The following USP50 variants were observed in gnomAD, a reference collection of about 807,000 sequenced individuals.
USP50 encodes ubiquitin specific peptidase 50, also known as ubiquitin carboxyl-terminal hydrolase 50.
A neutral mutation model predicts 39.2 loss-of-function variants in USP50; 37 were observed. That is an observed-to-expected ratio of 0.94 (90% CI 0.73 to 1.24). USP50 has a LOEUF of 1.24. Among genes scored for constraint, USP50 ranks in the 50% most tolerant of loss-of-function variants. The pLI is 0.00. For missense variants in USP50, 374 were observed against 398.2 expected, an observed-to-expected ratio of 0.94 and a Z score of 0.52; for synonymous variants, 139 against 144.5, an observed-to-expected ratio of 0.96 and a Z score of 0.27.
chr15:50,500,357 A>G (rs1168042672), downstream of USP50: 1 of 158,182 alleles, frequency 6.3e-6, no homozygotes, highest in Admixed American at 6.1e-5. Context: ...TATGATTATG[A>G]GATATTTTCT....
chr15:50,502,675 A>AT (rs2052608038), intron 6 of USP50: 1 of 151,584 alleles, frequency 6.6e-6, no homozygotes, highest in Non-Finnish European at 1.5e-5. Context: ...CAGCCTATTT[A>AT]TTTTTAGAAG....
At chr15:50,499,842 G>C (rs1303969301), downstream of USP50, 1 of 152,006 alleles carries the variant, frequency 6.6e-6, no homozygotes, top group Non-Finnish European at 1.5e-5. Context: ...TAAAACCATA[G>C]ATTTTATATA....
intron 6 of USP50, among the ~76,000 whole-genome samples, chr15:50,518,381 CGGCT>C (rs1566905656): frequency 6.6e-6 from 1 of 151,680 alleles, no homozygotes; most frequent in African/African-American, 2.4e-5. Flanking sequence ...CCACCACGCC[CGGCT>C]AATTTTTTTT....
At chr15:50,526,623 C>A (rs972925496) in intron 6 of USP50, among the ~76,000 whole-genome samples, 3 of 152,204 alleles carry the variant, frequency 2.0e-5, no homozygotes, top group Non-Finnish European at 4.4e-5. Flanking sequence ...ATATTGCTAT[C>A]ACTGCTTCAG....
rs556943880 is a variant in USP50 at position 50,544,082 on chromosome 15, C to G, written c.249-289G>C. The G allele has an allele frequency of 3.4e-4, 131 of 383,932 alleles. 1 individual carries two copies. The highest frequency in any genetic ancestry group is 3.1e-3 in the Admixed American group (82 of 26,600). 23.8% of individuals were successfully genotyped at this position (383,932 alleles called of 1,614,324 possible). A position where few individuals can be genotyped will look rare whatever the true frequency, so the allele number is the denominator to read the frequency against. On this transcript the variant is annotated intron_variant, in intron 2 of 6. Coordinates refer to ENST00000532404, the MANE Select transcript of USP50 (RefSeq NM_203494.5). ...GTGGCTCACACCTGTAATGCCAGCA[C>G]TTTGGGGGGCCGAGGTGGTAGGTTG...
At chr15:50,493,557 C>G (rs557001507), downstream of USP50, 2 of 501,630 alleles carry the variant, frequency 4.0e-6, no homozygotes, top group East Asian at 1.1e-4. Context: ...AGTTTGAGAC[C>G]AGTCTGGGCA....
chr15:50,499,363 C>T (rs368601082), downstream of USP50: 7 of 267,106 alleles, frequency 2.6e-5, no homozygotes, highest in East Asian at 3.3e-4. Flanking sequence ...CATTATTATT[C>T]GACTGGTCTA....
chr15:50,500,716 T>A lies in USP50; in HGVS notation c.*53A>T. ...GCTATAGAACAGGAGATCCATAGCA[T>A]TTTGAACAGAAGTATCTGGAATCTC... On this transcript the variant is annotated 3_prime_UTR_variant, in exon 7 of 7. Coordinates refer to ENST00000532404, the MANE Select transcript of USP50 (RefSeq NM_203494.5). The A allele has an allele frequency of 1.3e-6, 2 of 1,518,460 alleles. No homozygotes were observed. Among genetic ancestry groups the A allele is most frequent in the South Asian group, 2.4e-5 (2 of 83,556 alleles). The allele number at this position is 1,518,460 out of a possible 1,614,324, so 94.1% of individuals were successfully genotyped here. A position where few individuals can be genotyped will look rare whatever the true frequency, so the allele number is the denominator to read the frequency against.
chr15:50,518,552 G>A (rs962794910), intron 6 of USP50, among the ~76,000 whole-genome samples: 2 of 151,824 alleles, frequency 1.3e-5, no homozygotes, highest in African/African-American at 4.8e-5. Flanking sequence ...ACATACCATG[G>A]GGAAAGGACA....
At chr15:50,545,471 CAA>C (rs1566913458) in intron 1 of USP50, among the ~76,000 whole-genome samples, 1 of 151,458 alleles carries the variant, frequency 6.6e-6, no homozygotes, top group Non-Finnish European at 1.5e-5. Context: ...CCCTCTCTCC[CAA>C]CATACCTATC....
rs1049920270 is a variant in USP50, at chr15:50,516,766, T to C, written c.936+13031A>G. ...AGTGGTAGCTATATATATATATATA[T>C]ATATATACAGAGTGGTAGACAAAAC... On this transcript the variant is annotated intron_variant, in intron 6 of 6. Coordinates refer to ENST00000532404, the MANE Select transcript of USP50 (RefSeq NM_203494.5). 2.2e-4 allele frequency among the ~76,000 whole-genome samples: 33 copies of C among 151,852 alleles called. 1 individual carries two copies. The Middle Eastern group carries it at 0.014, about 63-fold the overall frequency.
intron 5 of USP50, among the ~76,000 whole-genome samples, chr15:50,537,796 G>T (rs1162870508): frequency 6.8e-6 from 1 of 146,590 alleles, no homozygotes. Flanking sequence ...GGAAGTGGAG[G>T]CTGCAAGAAC....
At chr15:50,537,926 A>C (rs1237215869) in intron 5 of USP50, among the ~76,000 whole-genome samples, 1 of 77,088 alleles carries the variant, frequency 1.3e-5, no homozygotes, top group Admixed American at 1.5e-4. Flanking sequence ...AAGGGAAGGG[A>C]AGGGAAGGGA....
intron 6 of USP50, among the ~76,000 whole-genome samples, chr15:50,526,092 T>C (rs1175935141): frequency 6.6e-6 from 1 of 152,174 alleles, no homozygotes; most frequent in Non-Finnish European, 1.5e-5. Flanking sequence ...AGGGTTTCTC[T>C]CTGTTGCTTA....
chr15:50,519,588 A>G (rs985907054), intron 6 of USP50, among the ~76,000 whole-genome samples: 1 of 151,570 alleles, frequency 6.6e-6, no homozygotes, highest in Non-Finnish European at 1.5e-5. Flanking sequence ...GGTGGCGGGC[A>G]CCTGTAATCC....
intron 1 of USP50, 114 bp downstream of exon 1, chr15:50,546,359 A>G: frequency 3.6e-6 from 4 of 1,110,046 alleles, no homozygotes; most frequent in Middle Eastern, 2.1e-4. Context: ...GGGACCTTCC[A>G]TGGGTCACAC....
At chr15:50,541,363 A>G in intron 3 of USP50, 99 bp from the exon 4 acceptor site, 1 of 962,940 alleles carries the variant, frequency 1.0e-6, no homozygotes, top group South Asian at 1.6e-5. Context: ...AAAACAAAAA[A>G]TTAGCTAGGC....
At chr15:50,544,900 C>T in intron 1 of USP50, 119 bp from the exon 2 acceptor site, 1 of 967,982 alleles carries the variant, frequency 1.0e-6, no homozygotes, top group African/African-American at 1.6e-5. Flanking sequence ...TTCCTCCAAA[C>T]ACATTCCCTA....
At chr15:50,516,264 C>T (rs138098024) in intron 6 of USP50, among the ~76,000 whole-genome samples, 26 of 152,164 alleles carry the variant, frequency 1.7e-4, no homozygotes, top group African/African-American at 5.8e-4. Context: ...ATGGCAGTAG[C>T]AAATATCAAT....
Sources: gnomAD v4.1 joint callset for allele counts (sites outside exome capture counted in the v4.1 genomes callset) on GRCh38, gnomAD v4.1.1 for gene constraint, MANE v1.5 for transcripts, NCBI Gene and HGNC (gene_info 2026-07-23, HGNC 2026-07-21) for gene names.